STON2: variants seen among roughly 807,000 people sequenced by gnomAD.
The protein encoded by STON2 is stonin-2.
In STON2, 29 loss-of-function variants were observed where a neutral mutation model predicts 65.7. The observed-to-expected ratio is 0.44, with a 90% CI of 0.33 to 0.60. The LOEUF (loss-of-function observed/expected upper bound fraction) is 0.60. STON2 is among the 20% of genes least tolerant of loss of function. The pLI, the probability that STON2 is intolerant of heterozygous loss-of-function variation, is 0.03. For synonymous variants in STON2, 404 were observed against 414.2 expected (o/e 0.98, Z 0.30); for missense variants, 1,054 against 1,118.1 (o/e 0.94, Z 0.82).
At position 81,265,787 on chromosome 14, in the gene STON2, C is replaced by T; in HGVS notation, c.*2627G>A. 4.1e-6 allele frequency: 4 copies of T among 985,104 alleles called. No homozygotes were observed. Among genetic ancestry groups the T allele is most frequent in the Non-Finnish European group, 2.4e-6 (2 of 829,886 alleles). The allele number at this position is 985,104 out of a possible 1,614,324, so 61.0% of individuals were successfully genotyped here. On this transcript the variant is annotated 3_prime_UTR_variant, in exon 8 of 8. Transcript: ENST00000614646. ...AAACAAAAAAGTCCAGGTGCATGTA[C>T]ACAGGAAATGAGAATTTACCATGGG...
At chr14:81,383,937 C>T (rs1353371566) in intron 3 of STON2, among the ~76,000 whole-genome samples, 2 of 152,196 alleles carry the variant, frequency 1.3e-5, no homozygotes, top group South Asian at 2.1e-4. Flanking sequence ...GTCTCTGTAA[C>T]GTTTCTGCCT....
At chr14:81,320,924 G>A (rs1447035329) in intron 5 of STON2, among the ~76,000 whole-genome samples, 2 of 152,184 alleles carry the variant, frequency 1.3e-5, no homozygotes, top group Non-Finnish European at 2.9e-5. Flanking sequence ...ACCCCAAGGA[G>A]CAGGAAACTG....
At chr14:81,422,524 G>A (rs1901754413) in intron 2 of STON2, among the ~76,000 whole-genome samples, 2 of 152,160 alleles carry the variant, frequency 1.3e-5, no homozygotes, top group African/African-American at 4.8e-5. Context: ...CCAGGTAAAA[G>A]AGATATTTGT....
chr14:81,367,694 G>A (rs903597145), intron 4 of STON2, among the ~76,000 whole-genome samples: 2 of 152,186 alleles, frequency 1.3e-5, no homozygotes, highest in African/African-American at 4.8e-5. Flanking sequence ...AGCTCAGGAT[G>A]CATCCAGACA....
At position 81,349,917 on chromosome 14, in the gene STON2, T is replaced by C. The variant is rs980006191; in HGVS notation, c.571+21071A>G. ...AGCCAAAAAAAAGAAGGAAATCCTG[T>C]CATTTGCAGCAACATGGATGGAACT... On this transcript the variant is annotated intron_variant, in intron 4 of 7. Transcript: ENST00000614646. Among the ~76,000 whole-genome samples, 6 of 152,150 alleles carry C rather than the reference T, an allele frequency of 3.9e-5. No individual in the cohort carries two copies. In the South Asian group the frequency reaches 8.3e-4, roughly 21 times the overall value.
At chr14:81,399,960 T>C (rs1900520886) in intron 1 of STON2, among the ~76,000 whole-genome samples, 1 of 152,134 alleles carries the variant, frequency 6.6e-6, no homozygotes, top group Non-Finnish European at 1.5e-5. Context: ...AAGTGATAGA[T>C]CCAACCCTTG....
At chr14:81,366,136 C>CG (rs951263579) in intron 4 of STON2, among the ~76,000 whole-genome samples, 1 of 152,198 alleles carries the variant, frequency 6.6e-6, no homozygotes, top group African/African-American at 2.4e-5. Context: ...TCTGCCCCCC[C>CG]GCACCCTGTG....
intron 2 of STON2, among the ~76,000 whole-genome samples, chr14:81,410,972 C>T (rs1235523788): frequency 6.6e-6 from 1 of 152,200 alleles, no homozygotes; most frequent in Non-Finnish European, 1.5e-5. Flanking sequence ...TTACACATGT[C>T]GCACTTTGAA....
chr14:81,301,035 A>G (rs1895949760), intron 5 of STON2, among the ~76,000 whole-genome samples: 1 of 152,234 alleles, frequency 6.6e-6, no homozygotes, highest in Non-Finnish European at 1.5e-5. Context: ...CAACAACATG[A>G]CGAATCTCAT....
intron 5 of STON2, among the ~76,000 whole-genome samples, chr14:81,319,613 C>A (rs1260427522): frequency 6.6e-6 from 1 of 151,668 alleles, no homozygotes; most frequent in Admixed American, 6.5e-5. Context: ...GAACTGGAAT[C>A]ACTGCATCTT....
At chr14:81,349,390 G>A (rs1475830595) in intron 4 of STON2, among the ~76,000 whole-genome samples, 1 of 151,962 alleles carries the variant, frequency 6.6e-6, no homozygotes, top group Non-Finnish European at 1.5e-5. Context: ...CAGCTTAAAT[G>A]CAGAAAACCA....
intron 3 of STON2, among the ~76,000 whole-genome samples, chr14:81,381,960 C>T (rs1555405003): frequency 6.6e-6 from 1 of 152,176 alleles, no homozygotes; most frequent in Non-Finnish European, 1.5e-5. Context: ...TGGCTCACAC[C>T]TGTAATCCCA....
chr14:81,268,598 T>A (rs1339177275), intron 7 of STON2, 101 bp from the exon 8 acceptor site: 1 of 1,260,694 alleles, frequency 7.9e-7, no homozygotes, highest in Non-Finnish European at 1.0e-6. Flanking sequence ...AAATTTCTTA[T>A]AATTTTGCTA....
At position 81,267,675 on chromosome 14, in the gene STON2, T is replaced by C. The variant is rs942849800; in HGVS notation, c.*739A>G. On this transcript the variant is annotated 3_prime_UTR_variant, in exon 8 of 8. Coordinates refer to ENST00000614646, the MANE Select transcript of STON2 (RefSeq NM_001394390.1). ...AAAATGAAGAAAACTAAGATTAATT[T>C]TGCCTTCCCCTCAACACCCATTTTG... The C allele has an allele frequency of 2.8e-5, 28 of 985,250 alleles. No individual in the cohort carries two copies. The African/African-American group carries it at 4.7e-4, about 17-fold the overall frequency. The allele number at this position is 985,250 out of a possible 1,614,324, so 61.0% of individuals were successfully genotyped here.
chr14:81,290,281 T>C (rs1447221987), intron 5 of STON2, among the ~76,000 whole-genome samples: 1 of 152,176 alleles, frequency 6.6e-6, no homozygotes. Flanking sequence ...CCTGAAACAG[T>C]TATAATAGTG....
At chr14:81,341,142 A>G (rs1005566530) in intron 4 of STON2, among the ~76,000 whole-genome samples, 2 of 152,160 alleles carry the variant, frequency 1.3e-5, no homozygotes, top group African/African-American at 4.8e-5. Flanking sequence ...CATACAAGAT[A>G]ATGATCATAA....
At chr14:81,330,416 T>C (rs762229661) in intron 4 of STON2, among the ~76,000 whole-genome samples, 1 of 151,590 alleles carries the variant, frequency 6.6e-6, no homozygotes, top group Non-Finnish European at 1.5e-5. Context: ...GTTAGGGCTT[T>C]GGGATTTAGA....
rs1336940138 is a variant in STON2, at chr14:81,261,830, A to T, written c.*6584T>A. 6.5e-7 allele frequency: 1 copy of T among 1,534,468 alleles called. No individual in the cohort carries two copies. The highest frequency in any genetic ancestry group is 2.4e-5 in the East Asian group (1 of 40,836). ...ATGCCAGTGGAACTTCCAAAGAAGC[A>T]TTCCACCTGATCTTCACCACCCTCT... On this transcript the variant is annotated 3_prime_UTR_variant, in exon 8 of 8. Coordinates refer to ENST00000614646, the MANE Select transcript of STON2 (RefSeq NM_001394390.1).
chr14:81,266,121 A>G lies in STON2; in HGVS notation c.*2293T>C. 1 of 982,990 alleles carries G rather than the reference A, an allele frequency of 1.0e-6. No individual in the cohort carries two copies. The highest frequency in any genetic ancestry group is 1.2e-6 in the Non-Finnish European group (1 of 827,640). The allele number at this position is 982,990 out of a possible 1,614,324, so 60.9% of individuals were successfully genotyped here. A position where few individuals can be genotyped will look rare whatever the true frequency, so the allele number is the denominator to read the frequency against. On this transcript the variant is annotated 3_prime_UTR_variant, in exon 8 of 8. Coordinates refer to ENST00000614646, the MANE Select transcript of STON2 (RefSeq NM_001394390.1). ...AATGAAGTTAGAGAGTCTTATTACTATTGAGACTAAACCTATATTTAGAAG... is the reference window on the plus strand; with the variant it reads ...AATGAAGTTAGAGAGTCTTATTACTGTTGAGACTAAACCTATATTTAGAAG...
Sources: gnomAD v4.1 joint callset for allele counts (sites outside exome capture counted in the v4.1 genomes callset) on GRCh38, gnomAD v4.1.1 for gene constraint, MANE v1.5 for transcripts, NCBI Gene and HGNC (gene_info 2026-07-23, HGNC 2026-07-21) for gene names.